Variants in PTPRD observed in about 807,000 individuals in gnomAD.
PTPRD encodes the protein receptor-type tyrosine-protein phosphatase delta.
Under a neutral mutation model 214.5 loss-of-function variants are expected in PTPRD, and 34 were observed. The ratio of observed to expected loss-of-function variants is 0.16; its 90% CI spans 0.12 to 0.21. The LOEUF is 0.21. Ranked by LOEUF, PTPRD falls within the 10% of genes least tolerant of loss-of-function variation. The pLI, the probability that PTPRD is intolerant of heterozygous loss-of-function variation, is 1.00. For missense variants in PTPRD, 2,545 were observed against 2,398.7 expected, an observed-to-expected ratio of 1.06 and a Z score of -1.27; for synonymous variants, 1,128 against 845.7, an observed-to-expected ratio of 1.33 and a Z score of -5.79.
chr9:9,682,533 A>G (rs1181924667), intron 7 of PTPRD, among the ~76,000 whole-genome samples: 5 of 151,682 alleles, frequency 3.3e-5, no homozygotes, highest in African/African-American at 4.8e-5. Flanking sequence ...GGGTAGATCA[A>G]TGCAAGTGTG....
intron 4 of PTPRD, among the ~76,000 whole-genome samples, chr9:9,941,657 T>C (rs1486497734): frequency 3.9e-5 from 6 of 152,262 alleles, no homozygotes; most frequent in Admixed American, 2.6e-4. Context: ...TGTCACAATG[T>C]AAGGAAAGGG....
chr9:8,947,293 C>G (rs2099071553), intron 11 of PTPRD, among the ~76,000 whole-genome samples: 1 of 151,298 alleles, frequency 6.6e-6, no homozygotes, highest in Admixed American at 6.6e-5. Context: ...GAAAACCTGT[C>G]TCTACTAAAA....
chr9:8,633,985 A>G (rs987368236), intron 13 of PTPRD, among the ~76,000 whole-genome samples: 2 of 152,012 alleles, frequency 1.3e-5, no homozygotes, highest in African/African-American at 4.8e-5. Flanking sequence ...TAGGCAGCCA[A>G]CGAGACAGCT....
intron 8 of PTPRD, among the ~76,000 whole-genome samples, chr9:9,457,657 G>T (rs1469721343): frequency 6.6e-6 from 1 of 151,960 alleles, no homozygotes; most frequent in East Asian, 1.9e-4. Flanking sequence ...CCAATATACA[G>T]TTTCTTTTGT....
intron 4 of PTPRD, among the ~76,000 whole-genome samples, chr9:9,976,048 T>A (rs7027578): frequency 2.0e-5 from 3 of 151,996 alleles, no homozygotes; most frequent in Non-Finnish European, 2.9e-5. Context: ...GAGGCCCACA[T>A]ATTCCGAAAG....
At chr9:9,903,275 G>T (rs981502044) in intron 5 of PTPRD, among the ~76,000 whole-genome samples, 1 of 151,800 alleles carries the variant, frequency 6.6e-6, no homozygotes, top group African/African-American at 2.4e-5. Context: ...TTCTAATATT[G>T]TATGTGATGA....
At position 8,927,077 on chromosome 9, in the gene PTPRD, G is replaced by A. The variant is rs529215889; in HGVS notation, c.-104+91620C>T. On this transcript the variant is annotated intron_variant, in intron 11 of 45. Coordinates refer to ENST00000381196, the MANE Select transcript of PTPRD (RefSeq NM_002839.4). ...TGAATGATTTGTTTAAGGTCACAGA[G>A]CAAGTTAGTAGCTACATTTTTACTA... Among the ~76,000 whole-genome samples the A allele has an allele frequency of 2.6e-5, 4 of 152,180 alleles. No individual in the cohort carries two copies. In the South Asian group the frequency reaches 6.2e-4, roughly 24 times the overall value.
At chr9:9,577,508 G>A (rs766763652) in intron 7 of PTPRD, among the ~76,000 whole-genome samples, 1 of 152,048 alleles carries the variant, frequency 6.6e-6, no homozygotes, top group Non-Finnish European at 1.5e-5. Flanking sequence ...AGGCTGCAGT[G>A]AGCCGAGATT....
At chr9:10,283,830 G>C (rs1177145628) in intron 3 of PTPRD, among the ~76,000 whole-genome samples, 1 of 152,156 alleles carries the variant, frequency 6.6e-6, no homozygotes, top group South Asian at 2.1e-4. Flanking sequence ...TATGTGTGCA[G>C]ATCTTTTAGT....
intron 9 of PTPRD, among the ~76,000 whole-genome samples, chr9:9,359,861 G>A (rs2055333106): frequency 6.6e-6 from 1 of 151,252 alleles, no homozygotes; most frequent in Non-Finnish European, 1.5e-5. Context: ...TCAAAAAAGT[G>A]AAAGAAGATT....
intron 11 of PTPRD, among the ~76,000 whole-genome samples, chr9:8,980,289 G>C (rs1471707845): frequency 3.9e-5 from 6 of 151,980 alleles, no homozygotes; most frequent in African/African-American, 1.4e-4. Context: ...CAGATATGTA[G>C]ATGAACAAGT....
chr9:9,875,280 G>A (rs1302001446), intron 5 of PTPRD, among the ~76,000 whole-genome samples: 1 of 151,884 alleles, frequency 6.6e-6, no homozygotes, highest in Non-Finnish European at 1.5e-5. Context: ...CACTAATAAT[G>A]CAGTTAGGTA....
At chr9:10,213,505 A>G (rs1048123242) in intron 3 of PTPRD, among the ~76,000 whole-genome samples, 2 of 152,082 alleles carry the variant, frequency 1.3e-5, no homozygotes, top group Admixed American at 1.3e-4. Context: ...AAGAATGGGG[A>G]AGTTTGGATC....
At chr9:8,388,927 G>A (rs1011823397) in intron 37 of PTPRD, among the ~76,000 whole-genome samples, 18 of 151,670 alleles carry the variant, frequency 1.2e-4, no homozygotes, top group Admixed American at 5.9e-4. Context: ...TTTTGAAAGA[G>A]GTTCAAGCAA....
chr9:8,963,393 G>T (rs762116407), intron 11 of PTPRD, among the ~76,000 whole-genome samples: 8 of 152,000 alleles, frequency 5.3e-5, no homozygotes, highest in Non-Finnish European at 1.0e-4. Flanking sequence ...GTTACTCATG[G>T]AATTACATTT....
At position 10,282,293 on chromosome 9, in the gene PTPRD, T is replaced by C. The variant is rs540248980; in HGVS notation, c.-545+58670A>G. On this transcript the variant is annotated intron_variant, in intron 3 of 45. Coordinates refer to ENST00000381196, the MANE Select transcript of PTPRD (RefSeq NM_002839.4). Reference sequence around the variant, plus strand: ...AGCACAGTGTCTGACTCATAACGGATATGGAAATGCTTTTTGAGAATGAAT... The same window carrying C: ...AGCACAGTGTCTGACTCATAACGGACATGGAAATGCTTTTTGAGAATGAAT... Among the ~76,000 whole-genome samples, 19 of 152,272 alleles carry C rather than the reference T, an allele frequency of 1.2e-4. No individual in the cohort carries two copies. In the East Asian group the frequency reaches 2.3e-3, roughly 19 times the overall value.
intron 3 of PTPRD, among the ~76,000 whole-genome samples, chr9:10,270,819 T>C (rs1365569269): frequency 6.6e-6 from 1 of 152,074 alleles, no homozygotes; most frequent in Non-Finnish European, 1.5e-5. Context: ...CCTAACATTA[T>C]GTAAATTCTT....
At chr9:10,081,476 C>G (rs181603723) in intron 3 of PTPRD, among the ~76,000 whole-genome samples, 4 of 151,982 alleles carry the variant, frequency 2.6e-5, no homozygotes, top group Non-Finnish European at 1.5e-5. Context: ...GCCCACGTAA[C>G]TGGAATTAGT....
At chr9:8,369,521 G>C (rs10758963) in intron 39 of PTPRD, among the ~76,000 whole-genome samples, 83,917 of 149,490 alleles carry the variant, frequency 0.56, 27,184 homozygotes, top group Non-Finnish European at 0.75. Flanking sequence ...TGCTCTCTAT[G>C]TGGTATGCAG....
Sources: gnomAD v4.1 joint callset for allele counts (sites outside exome capture counted in the v4.1 genomes callset) on GRCh38, gnomAD v4.1.1 for gene constraint, MANE v1.5 for transcripts, NCBI Gene and HGNC (gene_info 2026-07-23, HGNC 2026-07-21) for gene names.